PCDHA10: variants seen among roughly 807,000 people sequenced by gnomAD.
The protein encoded by PCDHA10 is protocadherin alpha 10.
A neutral mutation model predicts 61.2 loss-of-function variants in PCDHA10; 45 were observed. The ratio of observed to expected loss-of-function variants is 0.74; its 90% CI spans 0.58 to 0.94. PCDHA10 has a LOEUF of 0.94. Among genes scored for constraint, PCDHA10 ranks in the 40% least tolerant of loss-of-function variants. The pLI is 0.00. For synonymous variants in PCDHA10, 602 were observed against 548.8 expected (o/e 1.10, Z -1.35); for missense variants, 1,278 against 1,236.2 (o/e 1.03, Z -0.51).
Position 140,869,617 on chromosome 5 carries a change from C to G in PCDHA10, c.2388+11181C>G, listed in dbSNP as rs782525218. The stretch of plus-strand genomic sequence containing the variant: ...AGAGAATGCTCTATTGACCTACAGG[C>G]TAAGTAAAAATGAGTATTTTTCTTT... On this transcript the variant is annotated intron_variant, in intron 1 of 3. Transcript: ENST00000307360. 5 of 1,613,828 alleles carry G rather than the reference C, an allele frequency of 3.1e-6. No homozygotes were observed. The highest frequency in any genetic ancestry group is 4.2e-6 in the Non-Finnish European group (5 of 1,179,910).
At position 140,877,725 on chromosome 5, in the gene PCDHA10, G is replaced by T. The variant is rs570815670; in HGVS notation, c.2388+19289G>T. On this transcript the variant is annotated intron_variant, in intron 1 of 3. Coordinates refer to ENST00000307360, the MANE Select transcript of PCDHA10 (RefSeq NM_018901.4). Reference sequence around the variant, plus strand: ...GCGCCGTGGGGAGTTGGTCTTACTCGCAGCAGAGGAGGCAGAGGGTGTGCT... The same window carrying T: ...GCGCCGTGGGGAGTTGGTCTTACTCTCAGCAGAGGAGGCAGAGGGTGTGCT... 5.6e-6 allele frequency: 9 copies of T among 1,614,124 alleles called. No individual in the cohort carries two copies. The South Asian group carries it at 8.8e-5, about 16-fold the overall frequency.
Position 140,928,935 on chromosome 5 carries a change from C to G in PCDHA10, c.2389-50014C>G, listed in dbSNP as rs782430427. On this transcript the variant is annotated intron_variant, in intron 1 of 3. Transcript: ENST00000307360. ...CAGGAGGGCAGCTTTCTGCCCAGAA[C>G]TTGTATTTAGTAATTGCCTTGGCTT... The G allele has an allele frequency of 2.5e-6, 4 of 1,613,984 alleles. No individual in the cohort carries two copies. The East Asian group carries it at 8.9e-5, about 36-fold the overall frequency.
chr5:140,974,394 A>G (rs1554236015), intron 1 of PCDHA10, among the ~76,000 whole-genome samples: 1 of 152,212 alleles, frequency 6.6e-6, no homozygotes, highest in Non-Finnish European at 1.5e-5. Context: ...CCCATTAGGT[A>G]TGTTCTAAAG....
At position 140,871,619 on chromosome 5, in the gene PCDHA10, A is replaced by G. The variant is rs1214249274; in HGVS notation, c.2388+13183A>G. ...ACCAGTGTTTTGAATATTGTTTTAG[A>G]TAACAATGTCTGTTCATAAAATACC... On this transcript the variant is annotated intron_variant, in intron 1 of 3. Coordinates refer to ENST00000307360, the MANE Select transcript of PCDHA10 (RefSeq NM_018901.4). 17 of 1,415,418 alleles carry G rather than the reference A, an allele frequency of 1.2e-5. No individual in the cohort carries two copies. In the Admixed American group the frequency reaches 3.9e-4, roughly 33 times the overall value. The allele number at this position is 1,415,418 out of a possible 1,614,324, so 87.7% of individuals were successfully genotyped here.
At chr5:140,940,497 C>T (rs1314378548) in intron 1 of PCDHA10, among the ~76,000 whole-genome samples, 1 of 151,818 alleles carries the variant, frequency 6.6e-6, no homozygotes, top group Non-Finnish European at 1.5e-5. Context: ...AAGTCTTGCT[C>T]CGTCGCTCAG....
chr5:140,973,863 T>C (rs868937124), intron 1 of PCDHA10, among the ~76,000 whole-genome samples: 1 of 152,224 alleles, frequency 6.6e-6, no homozygotes. Context: ...TTGCTCTCAA[T>C]GAGAGGTCAG....
At chr5:140,883,018 G>T (rs1400637236) in intron 1 of PCDHA10, 2 of 1,613,968 alleles carry the variant, frequency 1.2e-6, no homozygotes, top group East Asian at 2.2e-5. Flanking sequence ...ATAAAGTGAC[G>T]GTGTTAGAGA....
chr5:141,006,351 A>G (rs537027677), intron 3 of PCDHA10, among the ~76,000 whole-genome samples: 1 of 151,966 alleles, frequency 6.6e-6, no homozygotes, highest in Non-Finnish European at 1.5e-5. Flanking sequence ...AGCTGGGACT[A>G]TAGGCGCCCA....
At chr5:140,940,398 T>C (rs936966571) in intron 1 of PCDHA10, among the ~76,000 whole-genome samples, 10 of 152,340 alleles carry the variant, frequency 6.6e-5, no homozygotes, top group African/African-American at 2.4e-4. Context: ...TATTGTGTTT[T>C]TCATTTTAAA....
At chr5:140,928,293 G>A (rs782241081) in intron 1 of PCDHA10, 1 of 1,614,150 alleles carries the variant, frequency 6.2e-7, no homozygotes, top group South Asian at 1.1e-5. Flanking sequence ...TAGGCCGAGT[G>A]TTTGCCCAGG....
In PCDHA10 at chr5:140,885,198, T is replaced by A. The variant is rs531029212; in HGVS notation, c.2388+26762T>A. On this transcript the variant is annotated intron_variant, in intron 1 of 3. Coordinates refer to ENST00000307360, the MANE Select transcript of PCDHA10 (RefSeq NM_018901.4). ...TAGGCACATCAGTGTTCCCCTCTCATATATCCCATGAAAAATATCTTGTGA... is the reference window on the plus strand; with the variant it reads ...TAGGCACATCAGTGTTCCCCTCTCAAATATCCCATGAAAAATATCTTGTGA... Among the ~76,000 whole-genome samples the A allele has an allele frequency of 5.9e-5, 9 of 152,276 alleles. No homozygotes were observed. In the South Asian group the frequency reaches 1.7e-3, roughly 28 times the overall value.
intron 3 of PCDHA10, among the ~76,000 whole-genome samples, chr5:140,990,585 T>C (rs2097401437): frequency 6.6e-6 from 1 of 152,204 alleles, no homozygotes; most frequent in Non-Finnish European, 1.5e-5. Flanking sequence ...TCTTTTCCTA[T>C]AATCACCTGG....
chr5:140,978,571 A>G (rs891123704), intron 1 of PCDHA10, among the ~76,000 whole-genome samples: 5 of 152,208 alleles, frequency 3.3e-5, no homozygotes, highest in African/African-American at 1.2e-4. Flanking sequence ...TGTAATACTG[A>G]ATTGGGAATG....
At chr5:140,878,689 AT>A (rs1582445250) in intron 1 of PCDHA10, among the ~76,000 whole-genome samples, 1 of 152,246 alleles carries the variant, frequency 6.6e-6, no homozygotes, top group Admixed American at 6.5e-5. Flanking sequence ...AAAGTCTTAC[AT>A]ACCCCAGCCT....
chr5:140,936,270 T>C (rs1367001317), intron 1 of PCDHA10, among the ~76,000 whole-genome samples: 1 of 152,226 alleles, frequency 6.6e-6, no homozygotes, highest in African/African-American at 2.4e-5. Flanking sequence ...GAAGATATAT[T>C]CCTGTGTTTT....
rs1554148289 is a variant in PCDHA10, at chr5:140,856,164, G to A, written c.116G>A (p.Arg39Lys). 5.0e-6 allele frequency: 8 copies of A among 1,598,390 alleles called. 1 individual carries two copies. Among genetic ancestry groups the A allele is most frequent in the Non-Finnish European group, 6.8e-6 (8 of 1,167,930 alleles). Residue 39 changes from arginine to lysine, a missense_variant, in exon 1 of 4, where the codon AGA (arginine) becomes AAA (lysine). By Grantham distance (26) the Arg-to-Lys change is conservative. Coordinates refer to ENST00000307360, the MANE Select transcript of PCDHA10 (RefSeq NM_018901.4). ...CACTACTCAGTCTACGAGGAGGCCA[G>A]ACACGGCACCTTCGTGGGCCGCATC... ...QLHYSVYEEA[R>K]HGTFVGRIAQ...
intron 1 of PCDHA10, among the ~76,000 whole-genome samples, chr5:140,887,705 T>G (rs1016402630): frequency 6.6e-6 from 1 of 152,172 alleles, no homozygotes; most frequent in Non-Finnish European, 1.5e-5. Context: ...TCAACCATAC[T>G]TCTTCTAATA....
rs71583613 is a variant in PCDHA10 at position 141,001,265 on chromosome 5, T to G, written c.2537-8362T>G. 5.1e-4 allele frequency among the ~76,000 whole-genome samples: 78 copies of G among 152,286 alleles called. No individual in the cohort carries two copies. In the Middle Eastern group the frequency reaches 0.01, roughly 20 times the overall value. On this transcript the variant is annotated intron_variant, in intron 3 of 3. Transcript: ENST00000307360. ...CAACCCTATGGGGCGGGCACTCTTATGAACTTTTTTTACGGATGAAAACTG... is the reference window on the plus strand; with the variant it reads ...CAACCCTATGGGGCGGGCACTCTTAGGAACTTTTTTTACGGATGAAAACTG...
At chr5:140,953,546 T>G (rs2094902084) in intron 1 of PCDHA10, among the ~76,000 whole-genome samples, 1 of 152,136 alleles carries the variant, frequency 6.6e-6, no homozygotes, top group African/African-American at 2.4e-5. Context: ...ATGCTGATTC[T>G]TTTCTCCAAG....
Sources: allele counts gnomAD v4.1 joint callset (sites outside exome capture counted in the v4.1 genomes callset), GRCh38; gene constraint gnomAD v4.1.1; transcripts MANE v1.5; gene names NCBI Gene and HGNC (gene_info 2026-07-23, HGNC 2026-07-21).